The following EFL1 variants were observed in gnomAD, a reference collection of about 807,000 sequenced individuals.
EFL1 encodes elongation factor like GTPase 1.
EFL1 carries 76 observed loss-of-function variants against 126.7 expected under a neutral mutation model. The ratio of observed to expected loss-of-function variants is 0.60; its 90% CI spans 0.50 to 0.73. The LOEUF (loss-of-function observed/expected upper bound fraction) is 0.73. Among genes scored for constraint, EFL1 ranks in the 30% least tolerant of loss-of-function variants. The pLI is 0.00. For missense variants in EFL1, 1,128 were observed against 1,343.2 expected (o/e 0.84, Z 2.50); for synonymous variants, 410 against 448.4 (o/e 0.91, Z 1.08).
intron 15 of EFL1, among the ~76,000 whole-genome samples, chr15:82,188,916 T>C (rs1417832622): frequency 2.1e-5 from 3 of 140,762 alleles, no homozygotes; most frequent in South Asian, 2.4e-4. Context: ...AATGTGTTTA[T>C]GCTTTTTTTT....
chr15:82,147,835 G>A (rs940312245), intron 18 of EFL1, among the ~76,000 whole-genome samples: 2 of 152,054 alleles, frequency 1.3e-5, no homozygotes, highest in Non-Finnish European at 2.9e-5. Context: ...CCTATTTTAA[G>A]AGGACATGCA....
intron 19 of EFL1, among the ~76,000 whole-genome samples, chr15:82,133,631 T>C (rs900841951): frequency 4.6e-5 from 7 of 152,234 alleles, no homozygotes; most frequent in African/African-American, 1.7e-4. Flanking sequence ...TTTTGGTAAC[T>C]TCCTATGGAA....
intron 15 of EFL1, among the ~76,000 whole-genome samples, chr15:82,211,880 C>A (rs1340632953): frequency 6.6e-6 from 1 of 152,160 alleles, no homozygotes; most frequent in African/African-American, 2.4e-5. Context: ...TACTCTTCCT[C>A]CTAATAAACA....
intron 4 of EFL1, among the ~76,000 whole-genome samples, chr15:82,248,979 G>A (rs2074997004): frequency 6.6e-6 from 1 of 152,064 alleles, no homozygotes; most frequent in Admixed American, 6.5e-5. Context: ...AGCTATTTGG[G>A]GGGAGAAATA....
intron 2 of EFL1, among the ~76,000 whole-genome samples, chr15:82,259,842 C>T (rs1221315846): frequency 6.6e-6 from 1 of 152,058 alleles, no homozygotes; most frequent in Admixed American, 6.5e-5. Flanking sequence ...TTCAGCAAAG[C>T]TATGGAATCT....
intron 15 of EFL1, among the ~76,000 whole-genome samples, chr15:82,177,227 A>G (rs963196264): frequency 6.6e-6 from 1 of 152,230 alleles, no homozygotes; most frequent in Non-Finnish European, 1.5e-5. Flanking sequence ...TTATGCATCA[A>G]TAAGTATACT....
At chr15:82,237,867 T>C (rs1488025279) in intron 7 of EFL1, among the ~76,000 whole-genome samples, 1 of 152,164 alleles carries the variant, frequency 6.6e-6, no homozygotes, top group African/African-American at 2.4e-5. Context: ...TGCAATAACT[T>C]GGATAAGTCT....
intron 3 of EFL1, among the ~76,000 whole-genome samples, chr15:82,257,474 A>G (rs1394348119): frequency 6.6e-6 from 1 of 152,348 alleles, no homozygotes; most frequent in East Asian, 1.9e-4. Flanking sequence ...TACCAGGTCA[A>G]AAGTGTCAAA....
chr15:82,151,626 G>A lies in EFL1; in HGVS notation c.2828C>T (p.Ser943Leu). The A allele has an allele frequency of 6.2e-7, 1 of 1,614,132 alleles. No individual in the cohort carries two copies. Among genetic ancestry groups the A allele is most frequent in the Non-Finnish European group, 8.5e-7 (1 of 1,180,034 alleles). Residue 943 changes from serine to leucine, a missense_variant, in exon 18 of 20, where the codon TCA becomes TTA. Physicochemically the swap from Ser to Leu is moderately radical, Grantham distance 145 (BLOSUM62 -2). Coordinates refer to ENST00000268206, the MANE Select transcript of EFL1 (RefSeq NM_024580.6). ...AGTGAGTGGAGATTCTCCTTTCTGT[G>A]ATGTCCTCTTCTCAAAGGCCTCAGA... ...GCSEAFEKRT[S>L]QKGESPLTDC...
intron 7 of EFL1, among the ~76,000 whole-genome samples, chr15:82,236,691 T>C (rs896058708): frequency 1.3e-5 from 2 of 152,160 alleles, no homozygotes; most frequent in Non-Finnish European, 2.9e-5. Context: ...AAATGGGTCA[T>C]GGATTAAATG....
chr15:82,151,870 A>T lies in EFL1; in HGVS notation c.2584T>A (p.Tyr862Asn). The T allele has an allele frequency of 1.2e-6, 2 of 1,614,146 alleles. No homozygotes were observed. Among genetic ancestry groups the T allele is most frequent in the Non-Finnish European group, 1.7e-6 (2 of 1,180,024 alleles). ...ADKASKEASRYRDLGNSIVSG... is the reference protein window; with the variant it reads ...ADKASKEASRNRDLGNSIVSG... Reference sequence around the variant, plus strand: ...ACAATGCTATTGCCCAAATCTCGGTATCTACTGGCTTCTTTTGAAGCTTTG... The same window carrying T: ...ACAATGCTATTGCCCAAATCTCGGTTTCTACTGGCTTCTTTTGAAGCTTTG... Residue 862 changes from tyrosine to asparagine, a missense_variant, in exon 18 of 20, where the codon TAC becomes AAC. By Grantham distance (143) the Tyr-to-Asn change is moderately radical. Transcript: ENST00000268206.
chr15:82,215,260 A>G (rs989769872), intron 14 of EFL1, among the ~76,000 whole-genome samples: 4 of 152,172 alleles, frequency 2.6e-5, no homozygotes, highest in Non-Finnish European at 5.9e-5. Flanking sequence ...TGTTTTATTT[A>G]TAATGTTCTT....
chr15:82,143,187 T>A (rs1380120479), intron 18 of EFL1, among the ~76,000 whole-genome samples: 2 of 152,226 alleles, frequency 1.3e-5, no homozygotes, highest in African/African-American at 4.8e-5. Flanking sequence ...ATAAGTAAAC[T>A]GTATCATATC....
At chr15:82,144,830 T>C (rs1178343199) in intron 18 of EFL1, among the ~76,000 whole-genome samples, 2 of 151,466 alleles carry the variant, frequency 1.3e-5, no homozygotes, top group African/African-American at 4.9e-5. Context: ...CTGTCTCTAC[T>C]AAAAATACAA....
intron 4 of EFL1, among the ~76,000 whole-genome samples, chr15:82,246,830 G>A (rs1321182113): frequency 1.3e-5 from 2 of 152,076 alleles, no homozygotes; most frequent in Non-Finnish European, 2.9e-5. Flanking sequence ...GGGATGACAG[G>A]TAGGCTGAAA....
chr15:82,225,019 G>C (rs1462340891), intron 12 of EFL1, 146 bp downstream of exon 12: 1 of 537,604 alleles, frequency 1.9e-6, no homozygotes, highest in Non-Finnish European at 3.3e-6. Flanking sequence ...TGTATAAATT[G>C]TATGTTACCC....
chr15:82,201,787 G>C (rs1595979822), intron 15 of EFL1, among the ~76,000 whole-genome samples: 1 of 146,104 alleles, frequency 6.8e-6, no homozygotes, highest in Admixed American at 6.9e-5. Context: ...CATATGGCTT[G>C]TCAGAGAAGA....
chr15:82,134,322 C>T (rs140692161), intron 19 of EFL1, among the ~76,000 whole-genome samples: 107 of 152,130 alleles, frequency 7.0e-4, no homozygotes, highest in African/African-American at 2.4e-3. Context: ...ACAGAAAGGA[C>T]CCTCCAGGCC....
intron 15 of EFL1, among the ~76,000 whole-genome samples, chr15:82,209,276 T>G (rs1443122326): frequency 6.6e-6 from 1 of 151,034 alleles, no homozygotes; most frequent in Non-Finnish European, 1.5e-5. Context: ...TTCTGACGCC[T>G]AGGTTACCCC....
Sources: gnomAD v4.1 joint callset for allele counts (sites outside exome capture counted in the v4.1 genomes callset) on GRCh38, gnomAD v4.1.1 for gene constraint, MANE v1.5 for transcripts, NCBI Gene and HGNC (gene_info 2026-07-23, HGNC 2026-07-21) for gene names.